The following FHIP2A variants were observed in gnomAD, a reference collection of about 807,000 sequenced individuals.
FHIP2A encodes the protein FHF complex subunit HOOK interacting protein 2A.
A neutral mutation model predicts 93.5 loss-of-function variants in FHIP2A; 46 were observed. That is an observed-to-expected ratio of 0.49 (90% CI 0.39 to 0.63). The LOEUF (loss-of-function observed/expected upper bound fraction) is 0.63. FHIP2A is among the 20% of genes least tolerant of loss of function. FHIP2A has a pLI of 0.00. For synonymous variants in FHIP2A, 332 were observed against 326.5 expected (o/e 1.02, Z -0.18); for missense variants, 769 against 909.7 (o/e 0.85, Z 1.99).
intron 16 of FHIP2A, among the ~76,000 whole-genome samples, chr10:114,882,314 C>T (rs2083921122): frequency 6.6e-6 from 1 of 152,132 alleles, no homozygotes; most frequent in African/African-American, 2.4e-5. Flanking sequence ...GCTGGAGAGC[C>T]CATGTGTGCT....
At chr10:114,855,997 C>T (rs1406193346) in intron 14 of FHIP2A, among the ~76,000 whole-genome samples, 2 of 152,180 alleles carry the variant, frequency 1.3e-5, no homozygotes, top group Non-Finnish European at 2.9e-5. Flanking sequence ...ATGCTTGACT[C>T]ATTAGAATCT....
intron 13 of FHIP2A, among the ~76,000 whole-genome samples, chr10:114,853,725 G>A (rs180702416): frequency 3.9e-5 from 6 of 152,260 alleles, no homozygotes; most frequent in East Asian, 3.9e-4. Flanking sequence ...TGGGCCAGGC[G>A]CGGTGGCTCA....
At chr10:114,888,893 G>A (rs1028655786) in intron 16 of FHIP2A, among the ~76,000 whole-genome samples, 3 of 152,162 alleles carry the variant, frequency 2.0e-5, no homozygotes, top group East Asian at 1.9e-4. Context: ...GTGAGCCACC[G>A]CGCCCTGCCA....
intron 4 of FHIP2A, 82 bp from the exon 5 acceptor site, chr10:114,836,042 C>G: frequency 9.4e-7 from 1 of 1,063,450 alleles, no homozygotes; most frequent in Non-Finnish European, 1.4e-6. Context: ...ATTTAAATAT[C>G]CTTAAGGTAA....
intron 16 of FHIP2A, among the ~76,000 whole-genome samples, chr10:114,888,062 C>T (rs1475516442): frequency 1.3e-5 from 2 of 152,148 alleles, no homozygotes; most frequent in Non-Finnish European, 1.5e-5. Context: ...CTAGCAGTGC[C>T]GATGATCTTC....
chr10:114,846,351 A>G lies in FHIP2A; in HGVS notation c.1382A>G (p.Asp461Gly). The G allele has an allele frequency of 4.3e-6, 7 of 1,613,904 alleles. No homozygotes were observed. The highest frequency in any genetic ancestry group is 5.9e-6 in the Non-Finnish European group (7 of 1,179,838). The change falls in exon 10 of 17, where the codon GAT becomes GGT. Residue 461 changes from aspartate to glycine, a missense_variant. Coordinates refer to ENST00000369248, the MANE Select transcript of FHIP2A (RefSeq NM_020940.4). ...AGGCATAGGTTAATTGAACATTGTG[A>G]TCACATATCTGATGAGGTAAGCTAC... ...PLRHRLIEHC[D>G]HISDEISIMT...
rs773155634 is a variant in FHIP2A, at chr10:114,897,965, G to A, written c.2193-1525G>A. Among the ~76,000 whole-genome samples, 203 of 152,276 alleles carry A rather than the reference G, an allele frequency of 1.3e-3. 4 individuals carry two copies. The highest frequency in any genetic ancestry group is 6.8e-4 in the Non-Finnish European group (46 of 68,018). On this transcript the variant is annotated intron_variant, in intron 16 of 16. Coordinates refer to the FHIP2A transcript ENST00000369250. ...CTTGAGAATTATTACTATTGGGATT[G>A]TGTGTTTCCTTATTTTGAGGAAATG...
chr10:114,886,533 A>G (rs762109362), intron 16 of FHIP2A, among the ~76,000 whole-genome samples: 1 of 151,832 alleles, frequency 6.6e-6, no homozygotes, highest in Non-Finnish European at 1.5e-5. Flanking sequence ...CTATTTTGCT[A>G]TTTTTGTGTT....
In FHIP2A at chr10:114,841,512, G is replaced by A. The variant is rs572789976; in HGVS notation, c.523-1421G>A. Among the ~76,000 whole-genome samples, 4 of 152,008 alleles carry A rather than the reference G, an allele frequency of 2.6e-5. No individual in the cohort carries two copies. In the East Asian group the frequency reaches 5.8e-4, roughly 22 times the overall value. ...TTACCATGTTGGCCAGGCTGGTCTCGAACTCCTGACCTCAAGTGATCCGCC... is the reference window on the plus strand; with the variant it reads ...TTACCATGTTGGCCAGGCTGGTCTCAAACTCCTGACCTCAAGTGATCCGCC... On this transcript the variant is annotated intron_variant, in intron 5 of 16. Coordinates refer to ENST00000369248, the MANE Select transcript of FHIP2A (RefSeq NM_020940.4).
chr10:114,844,174 T>C (rs571029280), intron 7 of FHIP2A, among the ~76,000 whole-genome samples: 2 of 152,350 alleles, frequency 1.3e-5, no homozygotes, highest in South Asian at 4.1e-4. Context: ...TGATCAATTT[T>C]TAAGGGCTTA....
intron 16 of FHIP2A, among the ~76,000 whole-genome samples, chr10:114,892,375 G>A (rs762915067): frequency 1.3e-5 from 2 of 152,098 alleles, no homozygotes; most frequent in East Asian, 1.9e-4. Flanking sequence ...GACCGGGTGC[G>A]GTGGCTCACG....
At chr10:114,890,776 G>A (rs2083968467) in intron 16 of FHIP2A, among the ~76,000 whole-genome samples, 1 of 147,884 alleles carries the variant, frequency 6.8e-6, no homozygotes, top group Non-Finnish European at 1.5e-5. Context: ...AATATATACT[G>A]TATATGACAT....
intron 15 of FHIP2A, 142 bp downstream of exon 15, chr10:114,861,031 AT>A (rs2083795426): frequency 9.7e-7 from 1 of 1,031,644 alleles, no homozygotes; most frequent in Non-Finnish European, 1.4e-6. Context: ...CTGAACTACT[AT>A]TTTTTCAATT....
chr10:114,877,107 C>G (rs1237645760), intron 16 of FHIP2A, among the ~76,000 whole-genome samples: 1 of 152,142 alleles, frequency 6.6e-6, no homozygotes, highest in Non-Finnish European at 1.5e-5. Flanking sequence ...CGGGCAAGGA[C>G]AAACGTACAA....
intron 1 of FHIP2A, among the ~76,000 whole-genome samples, chr10:114,824,175 G>A (rs886168795): frequency 6.6e-6 from 1 of 152,154 alleles, no homozygotes; most frequent in African/African-American, 2.4e-5. Context: ...AGATGTCCTG[G>A]AACTAGTCCC....
intron 14 of FHIP2A, among the ~76,000 whole-genome samples, chr10:114,857,616 TTTC>T (rs1423225346): frequency 1.3e-5 from 2 of 152,272 alleles, no homozygotes; most frequent in Admixed American, 6.5e-5. Flanking sequence ...GGCCTTCTTC[TTTC>T]TTCTTTTTTC....
intron 4 of FHIP2A, among the ~76,000 whole-genome samples, chr10:114,835,910 C>T (rs1325310573): frequency 2.0e-5 from 3 of 151,964 alleles, no homozygotes; most frequent in African/African-American, 7.3e-5. Flanking sequence ...TATTATATAA[C>T]TCGTTAATTA....
At chr10:114,845,197 T>C (rs141694892) in intron 7 of FHIP2A, among the ~76,000 whole-genome samples, 170 bp from the exon 8 acceptor site, 141 of 152,308 alleles carry the variant, frequency 9.3e-4, no homozygotes, top group African/African-American at 3.2e-3. Context: ...GATTTTCTCT[T>C]ATCTTTGGTT....
chr10:114,875,912 G>GA (rs1234405942), intron 16 of FHIP2A, among the ~76,000 whole-genome samples: 1 of 44,980 alleles, frequency 2.2e-5, no homozygotes, highest in Non-Finnish European at 5.7e-5. Context: ...TAAAGAAAGA[G>GA]AAAGAAAGAA....
Sources: gnomAD v4.1 joint callset for allele counts (sites outside exome capture counted in the v4.1 genomes callset) on GRCh38, gnomAD v4.1.1 for gene constraint, MANE v1.5 for transcripts, NCBI Gene and HGNC (gene_info 2026-07-23, HGNC 2026-07-21) for gene names.